Variants in RANBP17 observed in about 807,000 individuals in gnomAD.
RANBP17 encodes the protein RAN binding protein 17, also known as ran-binding protein 17.
Under a neutral mutation model 141.2 loss-of-function variants are expected in RANBP17, and 158 were observed. The ratio of observed to expected loss-of-function variants is 1.12; its 90% CI spans 0.98 to 1.28. The LOEUF (loss-of-function observed/expected upper bound fraction) is 1.28, where lower values mean the gene tolerates loss of function less well. Ranked by LOEUF, RANBP17 falls within the 50% of genes most tolerant of loss-of-function variation. The pLI is 0.00. For missense variants in RANBP17, 1,438 were observed against 1,290.7 expected, an observed-to-expected ratio of 1.11 and a Z score of -1.75; for synonymous variants, 430 against 450.0, an observed-to-expected ratio of 0.96 and a Z score of 0.56.
In RANBP17 at chr5:171,213,651, T is replaced by C; in HGVS notation, c.2252T>C (p.Leu751Pro). The stretch of plus-strand genomic sequence containing the variant: ...AAAAGGTACCCAACGTACCTTCCCC[T>C]TCTTCAGAATGCTGTTGAACGGTGG... ...FDWMYPTYLPLLQNAVERWYG... is the reference protein window; with the variant it reads ...FDWMYPTYLPPLQNAVERWYG... Residue 751 changes from leucine (L) to proline (P), a missense_variant, in exon 21 of 28, where the codon CTT (leucine) becomes CCT (proline). Physicochemically the swap from Leu to Pro is moderately conservative, Grantham distance 98 (BLOSUM62 -3). Coordinates refer to ENST00000523189, the MANE Select transcript of RANBP17 (RefSeq NM_022897.5). The C allele has an allele frequency of 1.2e-6, 2 of 1,613,664 alleles. No individual in the cohort carries two copies. Among genetic ancestry groups the C allele is most frequent in the Middle Eastern group, 1.6e-4 (1 of 6,062 alleles).
chr5:171,154,632 T>G (rs560547257), intron 14 of RANBP17, among the ~76,000 whole-genome samples: 3 of 152,352 alleles, frequency 2.0e-5, no homozygotes, highest in African/African-American at 7.2e-5. Flanking sequence ...GTGTTTACTT[T>G]GGATTTACTA....
intron 14 of RANBP17, among the ~76,000 whole-genome samples, chr5:171,057,993 A>G (rs1299043912): frequency 6.6e-6 from 1 of 152,100 alleles, no homozygotes; most frequent in Non-Finnish European, 1.5e-5. Flanking sequence ...TTGGAGATAC[A>G]TATTTTAGAT....
intron 11 of RANBP17, among the ~76,000 whole-genome samples, chr5:170,920,012 G>T (rs1268625526): frequency 1.3e-5 from 2 of 151,984 alleles, no homozygotes; most frequent in African/African-American, 4.8e-5. Flanking sequence ...TTTCATTGCT[G>T]AGTAGTATAC....
chr5:171,246,287 T>C (rs1005132311), intron 24 of RANBP17, among the ~76,000 whole-genome samples: 4 of 152,250 alleles, frequency 2.6e-5, no homozygotes, highest in African/African-American at 9.6e-5. Context: ...TACTCTGTAC[T>C]ACAAGTTTTA....
At position 170,947,126 on chromosome 5, in the gene RANBP17, T is replaced by C. The variant is rs75954449; in HGVS notation, c.1469-6471T>C. On this transcript the variant is annotated intron_variant, in intron 12 of 27. Transcript: ENST00000523189. ...ATATCATATCTTATATTGAGTATTATTGGAGAAGTTGCTTTAATTTAAGCA... is the reference window on the plus strand; with the variant it reads ...ATATCATATCTTATATTGAGTATTACTGGAGAAGTTGCTTTAATTTAAGCA... 3.3e-3 allele frequency among the ~76,000 whole-genome samples: 499 copies of C among 152,250 alleles called. 2 individuals carry two copies. The highest frequency in any genetic ancestry group is 0.011 in the African/African-American group (468 of 41,510).
At chr5:171,157,192 A>T (rs1042085327) in intron 14 of RANBP17, among the ~76,000 whole-genome samples, 1 of 152,192 alleles carries the variant, frequency 6.6e-6, no homozygotes, top group African/African-American at 2.4e-5. Flanking sequence ...ATAATTGTGA[A>T]TGTTTATTCC....
chr5:170,946,237 A>T (rs1318968584), intron 12 of RANBP17, among the ~76,000 whole-genome samples: 5 of 152,166 alleles, frequency 3.3e-5, no homozygotes, highest in Admixed American at 3.3e-4. Context: ...TTGTTTTAAG[A>T]AACCAGTATC....
intron 12 of RANBP17, among the ~76,000 whole-genome samples, chr5:170,940,165 A>C (rs1774210851): frequency 6.6e-6 from 1 of 152,302 alleles, no homozygotes; most frequent in South Asian, 2.1e-4. Flanking sequence ...ACATTAAAAC[A>C]TGGAAAGTTG....
chr5:171,259,555 A>G (rs1453928698), intron 24 of RANBP17, among the ~76,000 whole-genome samples: 1 of 152,254 alleles, frequency 6.6e-6, no homozygotes, highest in African/African-American at 2.4e-5. Flanking sequence ...AGAATGAAAT[A>G]ATGTCTTCTG....
chr5:171,166,470 T>C (rs1216089046), intron 14 of RANBP17, among the ~76,000 whole-genome samples: 1 of 152,022 alleles, frequency 6.6e-6, no homozygotes, highest in Non-Finnish European at 1.5e-5. Flanking sequence ...AACTCCTATA[T>C]ACTTCCTTAA....
At chr5:171,122,826 T>A (rs1394103050) in intron 14 of RANBP17, among the ~76,000 whole-genome samples, 1 of 152,180 alleles carries the variant, frequency 6.6e-6, no homozygotes, top group Admixed American at 6.5e-5. Flanking sequence ...GCCCAGCCAC[T>A]GCCAGATTAC....
chr5:170,917,547 G>A lies in RANBP17; in HGVS notation c.954+963G>A, dbSNP rs551617895. On this transcript the variant is annotated intron_variant, in intron 9 of 27. Coordinates refer to ENST00000523189, the MANE Select transcript of RANBP17 (RefSeq NM_022897.5). ...TCTCTTGGTTATTAATAAATTTTGG[G>A]GGGTGACATATATCTTCAGTAAGAA... Among the ~76,000 whole-genome samples, 28 of 152,074 alleles carry A rather than the reference G, an allele frequency of 1.8e-4. 1 individual carries two copies. The South Asian group carries it at 5.2e-3, about 28-fold the overall frequency.
intron 14 of RANBP17, among the ~76,000 whole-genome samples, chr5:171,139,169 A>G (rs1757524734): frequency 6.6e-6 from 1 of 152,178 alleles, no homozygotes; most frequent in African/African-American, 2.4e-5. Flanking sequence ...TTTCAAATGC[A>G]AAGTTTAAAA....
intron 16 of RANBP17, 26 bp from the exon 17 acceptor site, chr5:171,183,141 T>A (rs767996354): frequency 2.0e-4 from 249 of 1,220,418 alleles, no homozygotes; most frequent in Non-Finnish European, 3.0e-4. Context: ...CAAATATATT[T>A]CCTTAGATTC....
intron 14 of RANBP17, among the ~76,000 whole-genome samples, chr5:171,166,829 C>T (rs1481807441): frequency 6.6e-6 from 1 of 152,140 alleles, no homozygotes; most frequent in African/African-American, 2.4e-5. Flanking sequence ...TTAAATGACC[C>T]TGTCACACAT....
At chr5:171,133,445 T>C (rs1012348239) in intron 14 of RANBP17, among the ~76,000 whole-genome samples, 10 of 152,338 alleles carry the variant, frequency 6.6e-5, no homozygotes, top group African/African-American at 2.2e-4. Flanking sequence ...ACTTCATGCA[T>C]TTCAAGTATC....
chr5:171,188,530 A>G (rs1408033570), intron 18 of RANBP17, among the ~76,000 whole-genome samples: 1 of 152,198 alleles, frequency 6.6e-6, no homozygotes, highest in East Asian at 1.9e-4. Context: ...ACCTTGAAAC[A>G]TTTGTCTGGA....
At chr5:171,013,587 G>C (rs765199460) in intron 14 of RANBP17, among the ~76,000 whole-genome samples, 3 of 152,010 alleles carry the variant, frequency 2.0e-5, no homozygotes, top group Non-Finnish European at 4.4e-5. Context: ...TATATGTGTA[G>C]ATCTTTTTCT....
At chr5:171,233,686 A>AAAAGGG (rs1337367863) in intron 22 of RANBP17, among the ~76,000 whole-genome samples, 1 of 152,228 alleles carries the variant, frequency 6.6e-6, no homozygotes, top group East Asian at 1.9e-4. Flanking sequence ...GACATTCTGG[A>AAAAGGG]AAAGGGAAAA....
Sources: allele counts gnomAD v4.1 joint callset (sites outside exome capture counted in the v4.1 genomes callset), GRCh38; gene constraint gnomAD v4.1.1; transcripts MANE v1.5; gene names NCBI Gene and HGNC (gene_info 2026-07-23, HGNC 2026-07-21).